PRLR: variants seen among roughly 807,000 people sequenced by gnomAD.
PRLR encodes the protein prolactin receptor, also known as hPRL receptor.
In PRLR, 13 loss-of-function variants were observed where a neutral mutation model predicts 40.2. The observed-to-expected ratio is 0.32, with a 90% confidence interval of 0.21 to 0.51. PRLR has a LOEUF of 0.51. Ranked by LOEUF, PRLR falls within the 20% of genes least tolerant of loss-of-function variation. The pLI, the probability that PRLR is intolerant of heterozygous loss-of-function variation, is 0.97. For synonymous variants in PRLR, 269 were observed against 278.7 expected (o/e 0.97, Z 0.35); for missense variants, 656 against 747.3 (o/e 0.88, Z 1.42).
At chr5:35,181,978 C>T (rs2111979716) in intron 1 of PRLR, among the ~76,000 whole-genome samples, 1 of 152,206 alleles carries the variant, frequency 6.6e-6, no homozygotes, top group East Asian at 1.9e-4. Flanking sequence ...CTACCTCAAA[C>T]TCATGACTAC....
rs1318278805 is a variant in PRLR, at chr5:35,077,019, C to T, written c.374-4275G>A. Among the ~76,000 whole-genome samples the T allele has an allele frequency of 3.9e-5, 6 of 152,160 alleles. No individual in the cohort carries two copies. In the East Asian group the frequency reaches 1.2e-3, roughly 29 times the overall value. On this transcript the variant is annotated intron_variant, in intron 5 of 9. Coordinates refer to ENST00000618457, the MANE Select transcript of PRLR (RefSeq NM_000949.7). ...CTGAGAGATTTTGTCACTACCAGGC[C>T]TGCCTTACAAGAGCTCCTGAAGGAA...
chr5:35,165,909 AG>A (rs1333736432), intron 1 of PRLR, among the ~76,000 whole-genome samples: 1 of 152,216 alleles, frequency 6.6e-6, no homozygotes, highest in African/African-American at 2.4e-5. Flanking sequence ...GGACTTGTTA[AG>A]GGTTAGTCTC....
At chr5:35,072,850 C>T in intron 5 of PRLR, 106 bp from the exon 6 acceptor site, 1 of 1,320,814 alleles carries the variant, frequency 7.6e-7, no homozygotes, top group Non-Finnish European at 1.0e-6. Flanking sequence ...TCTCACTCTT[C>T]CCACTGTACT....
chr5:35,126,272 GT>G (rs975882050), intron 1 of PRLR, among the ~76,000 whole-genome samples: 5 of 151,480 alleles, frequency 3.3e-5, no homozygotes, highest in African/African-American at 7.3e-5. Context: ...GCCATGTGTA[GT>G]TTCTTTTGGT....
chr5:35,174,046 T>C (rs961214261), intron 1 of PRLR, among the ~76,000 whole-genome samples: 7 of 151,666 alleles, frequency 4.6e-5, no homozygotes, highest in African/African-American at 1.7e-4. Flanking sequence ...AGTGTTCTCA[T>C]TGTTCAATTC....
intron 1 of PRLR, among the ~76,000 whole-genome samples, chr5:35,197,436 T>C (rs1775766548): frequency 6.6e-6 from 1 of 152,222 alleles, no homozygotes; most frequent in Non-Finnish European, 1.5e-5. Context: ...CCTGGGAAGT[T>C]TCCCTCATTG....
intron 2 of PRLR, among the ~76,000 whole-genome samples, chr5:35,111,225 G>A (rs925911925): frequency 6.6e-6 from 1 of 151,982 alleles, no homozygotes; most frequent in African/African-American, 2.4e-5. Context: ...TTTCCATCTT[G>A]GATGGTTTAA....
At chr5:35,111,629 C>A (rs1772665010) in intron 2 of PRLR, among the ~76,000 whole-genome samples, 2 of 152,066 alleles carry the variant, frequency 1.3e-5, no homozygotes, top group Admixed American at 6.6e-5. Flanking sequence ...GGGAAGAGAT[C>A]TAAATATCAA....
chr5:35,162,270 G>GTAAACTATTT (rs1774695674), intron 1 of PRLR, among the ~76,000 whole-genome samples: 1 of 152,180 alleles, frequency 6.6e-6, no homozygotes, highest in African/African-American at 2.4e-5. Context: ...AAACTTCAAT[G>GTAAACTATTT]TGATTTCACC....
chr5:35,143,837 G>T (rs1774094357), intron 1 of PRLR, among the ~76,000 whole-genome samples: 1 of 151,896 alleles, frequency 6.6e-6, no homozygotes, highest in Non-Finnish European at 1.5e-5. Context: ...AATATGCTAA[G>T]TTTATAAAAC....
rs943413728 is a variant in PRLR at position 35,061,652 on chromosome 5, T to C, written c.*3437A>G. 1 of 152,250 alleles carries C rather than the reference T, an allele frequency of 6.6e-6. No individual in the cohort carries two copies. The highest frequency in any genetic ancestry group is 2.4e-5 in the African/African-American group (1 of 41,468). 9.4% of individuals were successfully genotyped at this position (152,250 alleles called of 1,614,324 possible). ...GATATAACTTGTGCTTATACACATC[T>C]GTTAGAATGAATTGGAACATCTTGC... On this transcript the variant is annotated 3_prime_UTR_variant, in exon 10 of 10. Coordinates refer to ENST00000618457, the MANE Select transcript of PRLR (RefSeq NM_000949.7).
chr5:35,163,104 C>A (rs557256010), intron 1 of PRLR, among the ~76,000 whole-genome samples: 1 of 152,214 alleles, frequency 6.6e-6, no homozygotes, highest in East Asian at 1.9e-4. Context: ...AGGAGTCTGG[C>A]CCCTCCTCTT....
At chr5:35,129,931 A>C (rs1465608680) in intron 1 of PRLR, among the ~76,000 whole-genome samples, 1 of 152,128 alleles carries the variant, frequency 6.6e-6, no homozygotes, top group African/African-American at 2.4e-5. Flanking sequence ...GAATCCAAGA[A>C]GCCAGGTGAC....
chr5:35,184,168 A>C (rs1327796414), intron 1 of PRLR, among the ~76,000 whole-genome samples: 1 of 152,212 alleles, frequency 6.6e-6, no homozygotes, highest in African/African-American at 2.4e-5. Flanking sequence ...GCTGATTAAA[A>C]GGTTATCCTC....
In PRLR at chr5:35,077,642, C is replaced by T. The variant is rs569512215; in HGVS notation, c.374-4898G>A. Among the ~76,000 whole-genome samples, 17 of 152,250 alleles carry T rather than the reference C, an allele frequency of 1.1e-4. No homozygotes were observed. In the South Asian group the frequency reaches 2.5e-3, roughly 22 times the overall value. ...ACCCCACTGTCAACATTAGACAGAT[C>T]GACGACACAGAAAGTTAACAAGGAT... is the stretch of plus-strand genomic sequence containing the variant. On this transcript the variant is annotated intron_variant, in intron 5 of 9. Coordinates refer to ENST00000618457, the MANE Select transcript of PRLR (RefSeq NM_000949.7).
chr5:35,169,175 GA>G (rs1181239183), intron 1 of PRLR, among the ~76,000 whole-genome samples: 2 of 152,134 alleles, frequency 1.3e-5, no homozygotes, highest in African/African-American at 4.8e-5. Flanking sequence ...TCAAGGCAAG[GA>G]ACTGGATGCT....
At chr5:35,227,889 G>C (rs1407735378) in intron 1 of PRLR, among the ~76,000 whole-genome samples, 1 of 152,150 alleles carries the variant, frequency 6.6e-6, no homozygotes, top group African/African-American at 2.4e-5. Flanking sequence ...CAAGATTATG[G>C]GTCAAAAGAG....
chr5:35,112,924 C>T (rs140025344), intron 2 of PRLR, among the ~76,000 whole-genome samples: 41 of 152,226 alleles, frequency 2.7e-4, no homozygotes, highest in South Asian at 4.1e-4. Flanking sequence ...GGGCCCTTAG[C>T]GAGGCTGGTC....
chr5:35,145,461 C>T (rs1018149045), intron 1 of PRLR, among the ~76,000 whole-genome samples: 1 of 152,108 alleles, frequency 6.6e-6, no homozygotes, highest in African/African-American at 2.4e-5. Context: ...TTGGATGAAT[C>T]TTTGGAGGTT....
Sources: allele counts gnomAD v4.1 joint callset (sites outside exome capture counted in the v4.1 genomes callset), GRCh38; gene constraint gnomAD v4.1.1; transcripts MANE v1.5; gene names NCBI Gene and HGNC (gene_info 2026-07-23, HGNC 2026-07-21).